FAM184A: variants seen among roughly 807,000 people sequenced by gnomAD.
FAM184A encodes the protein family with sequence similarity 184 member A, also known as protein FAM184A.
In FAM184A, 99 loss-of-function variants were observed where a neutral mutation model predicts 143.8. That is an observed-to-expected ratio of 0.69 (90% confidence interval 0.58 to 0.81). The LOEUF is 0.81. Among genes scored for constraint, FAM184A ranks in the 40% least tolerant of loss-of-function variants. The probability of loss-of-function intolerance (pLI) is 0.00; values close to 1 mark genes in which losing one functional copy is unlikely to be tolerated. For missense variants in FAM184A, 1,217 were observed against 1,310.5 expected (o/e 0.93, Z 1.10); for synonymous variants, 427 against 446.4 (o/e 0.96, Z 0.55).
At chr6:119,005,040 A>G (rs1376114521) in intron 7 of FAM184A, among the ~76,000 whole-genome samples, 1 of 152,218 alleles carries the variant, frequency 6.6e-6, no homozygotes, top group Non-Finnish European at 1.5e-5. Flanking sequence ...TATTTGTATT[A>G]CCTTAAAATA....
chr6:119,007,707 G>A (rs927334307), intron 6 of FAM184A, among the ~76,000 whole-genome samples: 2 of 152,150 alleles, frequency 1.3e-5, no homozygotes, highest in East Asian at 1.9e-4. Context: ...TTGGGAGGCC[G>A]AGGCAGGCTG....
intron 1 of FAM184A, among the ~76,000 whole-genome samples, chr6:119,074,128 C>T (rs779996244): frequency 6.6e-6 from 1 of 152,206 alleles, no homozygotes; most frequent in Non-Finnish European, 1.5e-5. Flanking sequence ...TAAACATCTG[C>T]AACGGCTACA....
chr6:118,970,004 A>T (rs1170119482), intron 14 of FAM184A, among the ~76,000 whole-genome samples: 2 of 22,982 alleles, frequency 8.7e-5, no homozygotes, highest in East Asian at 3.4e-3. Context: ...ATATATATAT[A>T]TATATTTTTT....
At chr6:119,006,151 C>A (rs1356635015) in intron 7 of FAM184A, 2 of 765,008 alleles carry the variant, frequency 2.6e-6, no homozygotes, top group Non-Finnish European at 4.8e-6. Flanking sequence ...TTGCCGAATG[C>A]CAAGAATGCC....
intron 14 of FAM184A, among the ~76,000 whole-genome samples, chr6:118,970,106 C>T (rs1178415781): frequency 1.4e-5 from 2 of 146,234 alleles, no homozygotes; most frequent in African/African-American, 2.5e-5. Context: ...CGGGTCCAGG[C>T]GATTCTCCTG....
At chr6:119,093,221 T>A (rs940230072) in intron 1 of FAM184A, among the ~76,000 whole-genome samples, 1 of 152,192 alleles carries the variant, frequency 6.6e-6, no homozygotes, top group Non-Finnish European at 1.5e-5. Context: ...AGTCAGGCGA[T>A]TGGTCTCACA....
At chr6:118,977,588 C>A (rs1404695761) in intron 11 of FAM184A, among the ~76,000 whole-genome samples, 1 of 152,020 alleles carries the variant, frequency 6.6e-6, no homozygotes, top group Non-Finnish European at 1.5e-5. Flanking sequence ...CCCTTCTCCC[C>A]AAAAAGGTTA....
chr6:119,070,737 G>A (rs1355358720), intron 1 of FAM184A, among the ~76,000 whole-genome samples: 3 of 152,042 alleles, frequency 2.0e-5, no homozygotes, highest in Non-Finnish European at 4.4e-5. Flanking sequence ...AAAGGGACAT[G>A]GGGCACCAAT....
chr6:119,033,374 C>T (rs1025187775), intron 1 of FAM184A, among the ~76,000 whole-genome samples: 8 of 152,068 alleles, frequency 5.3e-5, no homozygotes, highest in African/African-American at 1.7e-4. Context: ...ATCACTGCAA[C>T]ATAAGAAAAG....
At chr6:118,983,802 T>C (rs1228213698) in intron 9 of FAM184A, among the ~76,000 whole-genome samples, 1 of 152,040 alleles carries the variant, frequency 6.6e-6, no homozygotes. Context: ...AGTTTTACAG[T>C]CTTTTTGAAA....
At chr6:119,115,446 C>T (rs1402054692) in intron 1 of FAM184A, among the ~76,000 whole-genome samples, 2 of 152,192 alleles carry the variant, frequency 1.3e-5, no homozygotes, top group Admixed American at 1.3e-4. Context: ...AAACCTGGCA[C>T]TTTGGGAGGC....
chr6:119,090,431 A>G (rs1017549294), intron 1 of FAM184A, among the ~76,000 whole-genome samples: 1 of 152,244 alleles, frequency 6.6e-6, no homozygotes, highest in Non-Finnish European at 1.5e-5. Context: ...AGGAAGGCAG[A>G]GAGATCCAGC....
At chr6:119,145,066 T>A (rs1486418396) in intron 1 of FAM184A, among the ~76,000 whole-genome samples, 1 of 152,228 alleles carries the variant, frequency 6.6e-6, no homozygotes, top group Non-Finnish European at 1.5e-5. Context: ...GCATGTCCAG[T>A]GCTTCCCTTG....
intron 1 of FAM184A, among the ~76,000 whole-genome samples, chr6:119,088,716 T>C (rs1201195512): frequency 1.3e-5 from 2 of 152,188 alleles, no homozygotes; most frequent in Admixed American, 1.3e-4. Context: ...GGACTCAATC[T>C]AAGGCCATAG....
At chr6:118,986,772 C>T (rs1784209615) in intron 9 of FAM184A, among the ~76,000 whole-genome samples, 1 of 152,114 alleles carries the variant, frequency 6.6e-6, no homozygotes, top group Non-Finnish European at 1.5e-5. Context: ...TAAAAATAAT[C>T]ATATCCTATT....
At chr6:119,044,708 C>T (rs1342626440) in intron 1 of FAM184A, among the ~76,000 whole-genome samples, 2 of 151,538 alleles carry the variant, frequency 1.3e-5, no homozygotes, top group African/African-American at 4.9e-5. Flanking sequence ...GATGCTGTGA[C>T]TTACATGCCC....
rs1286671805 is a variant in FAM184A, at chr6:118,975,013, TA to T, written c.2768+10del. ...CACTGCATATTCCTTCTGTTGTACT[TA>T]ATGGCATACCTTATCTGTTGGTTAG... On this transcript the variant is annotated intron_variant, in intron 13 of 17. Coordinates refer to ENST00000338891, the MANE Select transcript of FAM184A (RefSeq NM_024581.6). 1 of 1,603,336 alleles carries T rather than the reference TA, an allele frequency of 6.2e-7. No homozygotes were observed. The highest frequency in any genetic ancestry group is 8.5e-7 in the Non-Finnish European group (1 of 1,172,340).
At chr6:119,001,906 G>A (rs940220053) in intron 9 of FAM184A, among the ~76,000 whole-genome samples, 6 of 152,142 alleles carry the variant, frequency 3.9e-5, no homozygotes, top group Non-Finnish European at 8.8e-5. Flanking sequence ...CTAATGTGGT[G>A]TCCAAATTCT....
At chr6:119,042,600 A>G (rs912246912) in intron 1 of FAM184A, among the ~76,000 whole-genome samples, 18 of 152,322 alleles carry the variant, frequency 1.2e-4, no homozygotes, top group Admixed American at 5.2e-4. Context: ...TGCTAACAAG[A>G]GCACAGAGGA....
Sources: gnomAD v4.1 joint callset for allele counts (sites outside exome capture counted in the v4.1 genomes callset) on GRCh38, gnomAD v4.1.1 for gene constraint, MANE v1.5 for transcripts, NCBI Gene and HGNC (gene_info 2026-07-23, HGNC 2026-07-21) for gene names.